The following SPATA13 variants were observed in gnomAD, a reference collection of about 807,000 sequenced individuals.
The protein encoded by SPATA13 is spermatogenesis associated 13, also known as spermatogenesis-associated protein 13.
A neutral mutation model predicts 104.0 loss-of-function variants in SPATA13; 50 were observed. That is an observed-to-expected ratio of 0.48 (90% confidence interval 0.38 to 0.61). The LOEUF is 0.61. Ranked by LOEUF, SPATA13 falls within the 20% of genes least tolerant of loss-of-function variation. The pLI is 0.00. For missense variants in SPATA13, 1,524 were observed against 1,690.6 expected (o/e 0.90, Z 1.73); for synonymous variants, 606 against 667.5 (o/e 0.91, Z 1.42).
At chr13:24,190,859 G>A (rs1045972406) in intron 1 of SPATA13, among the ~76,000 whole-genome samples, 1 of 152,126 alleles carries the variant, frequency 6.6e-6, no homozygotes, top group Admixed American at 6.6e-5. Flanking sequence ...TTCCAGTTTT[G>A]AAGGTTCTGC....
intron 2 of SPATA13, among the ~76,000 whole-genome samples, chr13:24,235,600 A>C (rs1255743828): frequency 1.3e-5 from 2 of 152,160 alleles, no homozygotes; most frequent in African/African-American, 2.4e-5. Flanking sequence ...TCTCTTAAAA[A>C]AAAATAAAAA....
intron 4 of SPATA13, 79 bp from the exon 5 acceptor site, chr13:24,284,056 G>C: frequency 6.7e-7 from 1 of 1,494,370 alleles, no homozygotes. Context: ...TTGGGAGTAT[G>C]TTACCAAATT....
chr13:24,120,608 G>T (rs149997882), intron 3 of SPATA13, among the ~76,000 whole-genome samples: 6 of 152,204 alleles, frequency 3.9e-5, no homozygotes, highest in African/African-American at 1.4e-4. Flanking sequence ...CATGTGAAAA[G>T]GGGGGACAGT....
chr13:24,001,822 C>G (rs1426835286), intron 2 of SPATA13, among the ~76,000 whole-genome samples: 1 of 151,870 alleles, frequency 6.6e-6, no homozygotes, highest in Non-Finnish European at 1.5e-5. Flanking sequence ...GAGGACTGAG[C>G]AGGTGATCTG....
intron 3 of SPATA13, among the ~76,000 whole-genome samples, chr13:24,024,351 A>G (rs940977423): frequency 1.7e-5 from 2 of 117,414 alleles, no homozygotes; most frequent in African/African-American, 5.3e-5. Flanking sequence ...GGATGAATGG[A>G]TGGACGGATG....
intron 1 of SPATA13, among the ~76,000 whole-genome samples, chr13:24,176,414 C>T (rs1868439259): frequency 6.6e-6 from 1 of 152,156 alleles, no homozygotes; most frequent in Admixed American, 6.5e-5. Flanking sequence ...GTAATCTTTA[C>T]AGAAAAGTTG....
chr13:24,044,962 T>G (rs372965443), intron 3 of SPATA13, among the ~76,000 whole-genome samples: 41 of 152,220 alleles, frequency 2.7e-4, no homozygotes, highest in African/African-American at 9.9e-4. Context: ...ATAGGAGAAA[T>G]AAGTTGTGAG....
intron 3 of SPATA13, among the ~76,000 whole-genome samples, chr13:24,106,174 C>G (rs751071913): frequency 6.6e-6 from 1 of 152,172 alleles, no homozygotes; most frequent in Non-Finnish European, 1.5e-5. Flanking sequence ...GCTTGGACAC[C>G]AGGTGTACAC....
chr13:24,127,324 A>G (rs9511068), intron 3 of SPATA13, among the ~76,000 whole-genome samples: 104,376 of 152,052 alleles, frequency 0.69, 36,539 homozygotes, highest in East Asian at 0.93. Flanking sequence ...TTTAGTCAAG[A>G]GACAAAGCCA....
intron 3 of SPATA13, among the ~76,000 whole-genome samples, chr13:24,104,347 A>G (rs1880366511): frequency 6.6e-6 from 1 of 152,198 alleles, no homozygotes; most frequent in Admixed American, 6.5e-5. Context: ...ATCAGTCTAT[A>G]AAATGAAAAA....
At chr13:24,024,963 T>C (rs1464612977) in intron 3 of SPATA13, among the ~76,000 whole-genome samples, 2 of 125,112 alleles carry the variant, frequency 1.6e-5, no homozygotes, top group Non-Finnish European at 3.5e-5. Context: ...TATAAATATA[T>C]ATATAAACAC....
At position 24,285,339 on chromosome 13, in the gene SPATA13, TC is replaced by T. The variant is rs372309211; in HGVS notation, c.2302-873del. ...ACACTGGAGGGAGATGTGAGGGACTTCCAATAGCATATGTGCATAACTTTAG... is the reference window on the plus strand; with the variant it reads ...ACACTGGAGGGAGATGTGAGGGACTTCAATAGCATATGTGCATAACTTTAG... On this transcript the variant is annotated intron_variant, in intron 5 of 12. Transcript: ENST00000382108. 2.8e-4 allele frequency among the ~76,000 whole-genome samples: 43 copies of T among 152,250 alleles called. No homozygotes were observed. In the East Asian group the frequency reaches 8.3e-3, roughly 29 times the overall value.
At chr13:24,244,170 C>G (rs1297843988) in intron 2 of SPATA13, among the ~76,000 whole-genome samples, 2 of 152,196 alleles carry the variant, frequency 1.3e-5, no homozygotes, top group South Asian at 2.1e-4. Flanking sequence ...GACTTCCTCC[C>G]TTTCGTGTTT....
intron 3 of SPATA13, among the ~76,000 whole-genome samples, chr13:24,105,372 C>G (rs1264982426): frequency 1.3e-5 from 2 of 151,736 alleles, no homozygotes; most frequent in African/African-American, 4.8e-5. Flanking sequence ...CTCCTGGGCT[C>G]AAGTGATCCG....
intron 3 of SPATA13, among the ~76,000 whole-genome samples, chr13:24,072,071 A>G (rs1879181397): frequency 6.6e-6 from 1 of 152,300 alleles, no homozygotes; most frequent in Non-Finnish European, 1.5e-5. Context: ...CCAATCAAGA[A>G]TATTAAGGAA....
chr13:24,294,065 T>C (rs1482223601), intron 9 of SPATA13, among the ~76,000 whole-genome samples: 1 of 152,240 alleles, frequency 6.6e-6, no homozygotes, highest in Non-Finnish European at 1.5e-5. Flanking sequence ...GGACATGCTC[T>C]GTGCTAGCCT....
intron 2 of SPATA13, among the ~76,000 whole-genome samples, chr13:24,242,594 G>T (rs1566169058): frequency 1.3e-5 from 2 of 152,170 alleles, no homozygotes; most frequent in Admixed American, 1.3e-4. Flanking sequence ...TAAAATGGGG[G>T]TAATTACGTC....
chr13:24,169,342 T>C (rs755211328), intron 1 of SPATA13, among the ~76,000 whole-genome samples: 3 of 152,224 alleles, frequency 2.0e-5, no homozygotes, highest in African/African-American at 2.4e-5. Context: ...ACTCCTGGCC[T>C]CACTGTAGAT....
chr13:24,020,024 T>A (rs1876905850), intron 3 of SPATA13, among the ~76,000 whole-genome samples: 1 of 152,188 alleles, frequency 6.6e-6, no homozygotes, highest in African/African-American at 2.4e-5. Context: ...TTTATTGCAC[T>A]CATTGTGTGA....
Sources: gnomAD v4.1 joint callset for allele counts (sites outside exome capture counted in the v4.1 genomes callset) on GRCh38, gnomAD v4.1.1 for gene constraint, MANE v1.5 for transcripts, NCBI Gene and HGNC (gene_info 2026-07-23, HGNC 2026-07-21) for gene names.